BOLL: variants seen among roughly 807,000 people sequenced by gnomAD.
BOLL encodes the protein protein boule-like.
BOLL carries 23 observed loss-of-function variants against 44.4 expected under a neutral mutation model. The ratio of observed to expected loss-of-function variants is 0.52; its 90% CI spans 0.37 to 0.73. The LOEUF (loss-of-function observed/expected upper bound fraction) is 0.73. Among genes scored for constraint, BOLL ranks in the 30% least tolerant of loss-of-function variants. The probability of loss-of-function intolerance (pLI) is 0.00; values close to 1 mark genes in which losing one functional copy is unlikely to be tolerated. For missense variants in BOLL, 287 were observed against 338.3 expected (o/e 0.85, Z 1.19); for synonymous variants, 97 against 110.8 (o/e 0.88, Z 0.78).
chr2:197,760,767 C>T (rs1044127198), intron 7 of BOLL, among the ~76,000 whole-genome samples: 1 of 151,890 alleles, frequency 6.6e-6, no homozygotes, highest in African/African-American at 2.4e-5. Context: ...TCAATCTAAA[C>T]AGATCCTCTC....
chr2:197,728,193 T>C lies in BOLL; in HGVS notation c.*362A>G. On this transcript the variant is annotated 3_prime_UTR_variant, in exon 11 of 11. Transcript: ENST00000392296. ...ATCAAATAATATGAAACATAACATC[T>C]AATTGTTTGATAAGAAAAAATAACA... 1 of 367,996 alleles carries C rather than the reference T, an allele frequency of 2.7e-6. No homozygotes were observed. The highest frequency in any genetic ancestry group is 4.1e-5 in the East Asian group (1 of 24,102). 22.8% of individuals were successfully genotyped at this position (367,996 alleles called of 1,614,324 possible).
chr2:197,743,048 AC>A lies in BOLL; in HGVS notation c.828+12del. The stretch of plus-strand genomic sequence containing the variant: ...AAGAAAAACAAAGTAAAAAGTCAAA[AC>A]AAATTTCTTACTTTAATTGGCTCAG... On this transcript the variant is annotated intron_variant, in intron 10 of 10. Coordinates refer to ENST00000392296, the MANE Select transcript of BOLL (RefSeq NM_033030.6). The A allele has an allele frequency of 3.2e-6, 5 of 1,545,654 alleles. No individual in the cohort carries two copies. The highest frequency in any genetic ancestry group is 1.4e-5 in the African/African-American group (1 of 72,412).
chr2:197,752,070 C>G (rs561355299), intron 9 of BOLL, among the ~76,000 whole-genome samples: 1 of 152,040 alleles, frequency 6.6e-6, no homozygotes, highest in African/African-American at 2.4e-5. Context: ...TCTCAATAGA[C>G]GCAGAAAAGG....
chr2:197,785,310 G>A lies in BOLL; in HGVS notation c.-270C>T, dbSNP rs116520403. Reference sequence around the variant, plus strand: ...CGGCAGCGACCCCGCCGCTGGCCTCGTGCGCAGCTGGTCCCCACCCTCGCG... The same window carrying A: ...CGGCAGCGACCCCGCCGCTGGCCTCATGCGCAGCTGGTCCCCACCCTCGCG... On this transcript the variant is annotated 5_prime_UTR_variant, in exon 1 of 11. In the 5' UTR this introduces an upstream ATG that the reference lacks. Transcript: ENST00000392296. This position sits in a 1 kb window ranked among gnomAD's most constrained non-coding sequence, Gnocchi z 6.7. The A allele has an allele frequency of 4.8e-3, 4,774 of 985,646 alleles. 183 individuals are homozygous for A. In the African/African-American group the frequency reaches 0.079, roughly 16 times the overall value. 61.1% of individuals were successfully genotyped at this position (985,646 alleles called of 1,614,324 possible).
At chr2:197,765,738 T>C (rs995154748) in intron 7 of BOLL, among the ~76,000 whole-genome samples, 12 of 152,110 alleles carry the variant, frequency 7.9e-5, no homozygotes, top group African/African-American at 2.7e-4. Flanking sequence ...CAGGGGTACA[T>C]GTGAAGGTTT....
chr2:197,779,124 T>C, intron 2 of BOLL, 58 bp from the exon 3 acceptor site: 1 of 1,286,988 alleles, frequency 7.8e-7, no homozygotes, highest in Non-Finnish European at 1.1e-6. Context: ...AGATGAATAA[T>C]TCTCATGCTT....
intron 9 of BOLL, among the ~76,000 whole-genome samples, chr2:197,752,972 C>A (rs1014394664): frequency 2.6e-5 from 4 of 152,152 alleles, no homozygotes; most frequent in African/African-American, 9.7e-5. Context: ...ACCAATGGAA[C>A]AGAACAGAGA....
chr2:197,780,780 G>GT (rs5837556), intron 2 of BOLL, among the ~76,000 whole-genome samples: 15 of 150,716 alleles, frequency 1.0e-4, no homozygotes, highest in East Asian at 5.8e-4. Flanking sequence ...CATAAGGAAG[G>GT]TTTTTTTTTT....
Position 197,781,811 on chromosome 2 carries a change from A to G in BOLL, c.40T>C (p.Ser14Pro). Reference protein sequence around the residue: ...DSLSPSPNPVSPVPLNNPTSA... With the variant: ...DSLSPSPNPVPPVPLNNPTSA... ...GTTGGGTTATTCAAAGGCACAGGTG[A>G]CACAGGATTAGGGGATGGAGATAAT... Residue 14 changes from serine (S) to proline (P), a missense_variant, in exon 2 of 11, where the codon TCA becomes CCA. Coordinates refer to ENST00000392296, the MANE Select transcript of BOLL (RefSeq NM_033030.6). The G allele has an allele frequency of 6.2e-7, 1 of 1,608,286 alleles. No homozygotes were observed. The highest frequency in any genetic ancestry group is 8.5e-7 in the Non-Finnish European group (1 of 1,175,942).
At chr2:197,765,989 C>T (rs1386940088) in intron 7 of BOLL, among the ~76,000 whole-genome samples, 2 of 152,008 alleles carry the variant, frequency 1.3e-5, no homozygotes, top group Admixed American at 6.6e-5. Context: ...GGATAATGGC[C>T]TCTGGCTCCA....
intron 1 of BOLL, among the ~76,000 whole-genome samples, chr2:197,784,387 AATACATAT>A (rs1689943437): frequency 2.1e-5 from 2 of 94,450 alleles, no homozygotes; most frequent in African/African-American, 9.4e-5. Context: ...ACAGCAGTCT[AATACATAT>A]ATATATATAT....
At chr2:197,763,339 G>A (rs73054822) in intron 7 of BOLL, among the ~76,000 whole-genome samples, 29,365 of 151,818 alleles carry the variant, frequency 0.19, 2,900 homozygotes, top group East Asian at 0.27. Flanking sequence ...AAAATTAGCC[G>A]GGTGTAGTGG....
chr2:197,765,862 T>C (rs1688972430), intron 7 of BOLL, among the ~76,000 whole-genome samples: 1 of 151,074 alleles, frequency 6.6e-6, no homozygotes, highest in South Asian at 2.1e-4. Flanking sequence ...CACCCTCAAG[T>C]AGACCCCAGT....
intron 9 of BOLL, among the ~76,000 whole-genome samples, chr2:197,754,200 G>T (rs1232843607): frequency 1.3e-5 from 2 of 152,060 alleles, no homozygotes; most frequent in Non-Finnish European, 2.9e-5. Context: ...ATGGGCTGAT[G>T]GGTGCAGTAA....
At chr2:197,748,345 G>A (rs554419734) in intron 9 of BOLL, among the ~76,000 whole-genome samples, 3 of 151,994 alleles carry the variant, frequency 2.0e-5, no homozygotes, top group Non-Finnish European at 4.4e-5. Context: ...GGTTTTTTTT[G>A]TTCATACCCC....
intron 10 of BOLL, among the ~76,000 whole-genome samples, chr2:197,731,963 G>A (rs200211149): frequency 6.7e-6 from 1 of 149,400 alleles, no homozygotes; most frequent in Non-Finnish European, 1.5e-5. Flanking sequence ...ATAACTAAGA[G>A]CAGAACTGAA....
At chr2:197,729,660 C>A (rs967398227) in intron 10 of BOLL, among the ~76,000 whole-genome samples, 1 of 152,148 alleles carries the variant, frequency 6.6e-6, no homozygotes, top group African/African-American at 2.4e-5. Flanking sequence ...TGACCCCTGA[C>A]CCCCAAGCAG....
At chr2:197,758,867 T>A in intron 7 of BOLL, 1 of 1,292,632 alleles carries the variant, frequency 7.7e-7, no homozygotes, top group African/African-American at 1.5e-5. Flanking sequence ...TGCAGTCCAA[T>A]ACCTGTATCT....
intron 6 of BOLL, among the ~76,000 whole-genome samples, chr2:197,770,894 TTGG>T (rs1433744332): frequency 2.0e-5 from 3 of 152,110 alleles, no homozygotes; most frequent in African/African-American, 7.2e-5. Flanking sequence ...TTTTACACTG[TTGG>T]TGGGAGTGTA....
Sources: allele counts gnomAD v4.1 joint callset (sites outside exome capture counted in the v4.1 genomes callset), GRCh38; gene constraint gnomAD v4.1.1; non-coding constraint Gnocchi (gnomAD v3.1); transcripts MANE v1.5; gene names NCBI Gene and HGNC (gene_info 2026-07-23, HGNC 2026-07-21).